Variants in SFMBT2 observed in about 807,000 individuals in gnomAD.
SFMBT2 encodes scm-like with four MBT domains protein 2.
A neutral mutation model predicts 110.1 loss-of-function variants in SFMBT2; 38 were observed. That is an observed-to-expected ratio of 0.35 (90% CI 0.27 to 0.45). SFMBT2 has a LOEUF of 0.45. Among genes scored for constraint, SFMBT2 ranks in the 20% least tolerant of loss-of-function variants. The pLI is 1.00. For missense variants in SFMBT2, 1,011 were observed against 1,094.9 expected (o/e 0.92, Z 1.08); for synonymous variants, 425 against 425.4 (o/e 1.00, Z 0.01).
intron 7 of SFMBT2, among the ~76,000 whole-genome samples, chr10:7,265,259 T>C (rs977642228): frequency 6.7e-6 from 1 of 149,320 alleles, no homozygotes; most frequent in African/African-American, 2.5e-5. Flanking sequence ...TGGAGTGCAG[T>C]GGCACAATCT....
chr10:7,197,751 G>T, intron 14 of SFMBT2, 64 bp from the exon 15 acceptor site: 2 of 1,566,916 alleles, frequency 1.3e-6, no homozygotes, highest in Non-Finnish European at 1.7e-6. Context: ...GGGACCCCTA[G>T]ACCCTTGCTT....
At chr10:7,334,849 C>T (rs1393524104) in intron 4 of SFMBT2, among the ~76,000 whole-genome samples, 2 of 152,128 alleles carry the variant, frequency 1.3e-5, no homozygotes, top group Non-Finnish European at 2.9e-5. Flanking sequence ...CAGAGACAAG[C>T]GTGAAGTTCC....
intron 3 of SFMBT2, 97 bp downstream of exon 3, chr10:7,370,184 C>T: frequency 9.0e-7 from 1 of 1,108,872 alleles, no homozygotes; most frequent in Non-Finnish European, 1.4e-6. Flanking sequence ...TCCCTCTTTC[C>T]TCTGCCCTTC....
At chr10:7,192,831 A>G (rs555781283) in intron 15 of SFMBT2, among the ~76,000 whole-genome samples, 6 of 152,222 alleles carry the variant, frequency 3.9e-5, no homozygotes, top group Admixed American at 3.9e-4. Flanking sequence ...TCCGGGGCAC[A>G]CCGCATTCTG....
chr10:7,305,675 C>G (rs1464765069), intron 4 of SFMBT2, among the ~76,000 whole-genome samples: 1 of 152,210 alleles, frequency 6.6e-6, no homozygotes, highest in African/African-American at 2.4e-5. Flanking sequence ...GCAGCCTTAT[C>G]AATACTGCAC....
chr10:7,233,095 C>T (rs59864769), intron 9 of SFMBT2, among the ~76,000 whole-genome samples: 8 of 151,998 alleles, frequency 5.3e-5, no homozygotes, highest in South Asian at 2.1e-4. Flanking sequence ...TGGGTGGCTA[C>T]GAAAAATACA....
At chr10:7,175,570 C>A (rs1773582703) in intron 17 of SFMBT2, among the ~76,000 whole-genome samples, 1 of 152,094 alleles carries the variant, frequency 6.6e-6, no homozygotes, top group African/African-American at 2.4e-5. Context: ...AGGATGTGGC[C>A]CCCGTATCAA....
intron 12 of SFMBT2, chr10:7,203,964 G>A (rs1185774331): frequency 2.7e-5 from 5 of 186,832 alleles, no homozygotes; most frequent in Non-Finnish European, 5.0e-5. Flanking sequence ...TGATCCACCC[G>A]CCTCGGCCTC....
intron 4 of SFMBT2, among the ~76,000 whole-genome samples, chr10:7,332,315 G>A (rs368886386): frequency 1.8e-4 from 28 of 152,290 alleles, no homozygotes; most frequent in Middle Eastern, 3.4e-3. Flanking sequence ...GAGAGAAGAC[G>A]CTACGAATGT....
intron 16 of SFMBT2, among the ~76,000 whole-genome samples, chr10:7,179,959 T>G (rs1838195632): frequency 6.6e-6 from 1 of 152,142 alleles, no homozygotes; most frequent in African/African-American, 2.4e-5. Flanking sequence ...TGAACAATTC[T>G]GTTTAGAAGC....
chr10:7,312,473 A>G (rs937192262), intron 4 of SFMBT2, among the ~76,000 whole-genome samples: 1 of 152,196 alleles, frequency 6.6e-6, no homozygotes, highest in African/African-American at 2.4e-5. Context: ...GGCCAGAAGT[A>G]AAATACAGAA....
chr10:7,335,685 G>T (rs375368855), intron 4 of SFMBT2, among the ~76,000 whole-genome samples: 1 of 151,454 alleles, frequency 6.6e-6, no homozygotes, highest in East Asian at 1.9e-4. Context: ...ATCCTGCTCT[G>T]TTGTATAGGA....
At chr10:7,289,545 T>A (rs1250112948) in intron 4 of SFMBT2, among the ~76,000 whole-genome samples, 2 of 152,222 alleles carry the variant, frequency 1.3e-5, no homozygotes, top group Non-Finnish European at 2.9e-5. Context: ...TCAAGCAATC[T>A]TTTATGAGCC....
intron 9 of SFMBT2, among the ~76,000 whole-genome samples, chr10:7,230,846 T>C (rs2131683016): frequency 6.6e-6 from 1 of 152,150 alleles, no homozygotes; most frequent in South Asian, 2.1e-4. Flanking sequence ...GGCAGGAGAA[T>C]TGCTTGAACC....
chr10:7,385,399 G>C (rs962654290), intron 1 of SFMBT2, among the ~76,000 whole-genome samples: 2 of 152,132 alleles, frequency 1.3e-5, no homozygotes, highest in African/African-American at 4.8e-5. Context: ...TCCCTCCAGT[G>C]ATCACTCAGG....
intron 15 of SFMBT2, among the ~76,000 whole-genome samples, chr10:7,193,561 C>G (rs1256125968): frequency 6.6e-6 from 1 of 151,918 alleles, no homozygotes; most frequent in East Asian, 2.0e-4. Context: ...CTTGGCTGGT[C>G]TGCTCTCACC....
intron 4 of SFMBT2, among the ~76,000 whole-genome samples, chr10:7,350,297 C>CA (rs2132009263): frequency 6.6e-6 from 1 of 152,170 alleles, no homozygotes; most frequent in African/African-American, 2.4e-5. Context: ...CTGGGGCATG[C>CA]AACCTGAATT....
chr10:7,377,384 T>C (rs1221660972), intron 2 of SFMBT2, among the ~76,000 whole-genome samples: 1 of 152,192 alleles, frequency 6.6e-6, no homozygotes, highest in Non-Finnish European at 1.5e-5. Flanking sequence ...AGACAATTTT[T>C]CCACAGATAC....
chr10:7,163,657 T>C lies in SFMBT2; in HGVS notation c.*113A>G, dbSNP rs1837611801. 4.3e-6 allele frequency: 4 copies of C among 929,664 alleles called. No individual in the cohort carries two copies. The Admixed American group carries it at 1.0e-4, about 24-fold the overall frequency. 57.6% of individuals were successfully genotyped at this position (929,664 alleles called of 1,614,324 possible). On this transcript the variant is annotated 3_prime_UTR_variant, in exon 21 of 21. Coordinates refer to ENST00000397167, the MANE Select transcript of SFMBT2 (RefSeq NM_001387889.1). This position sits in a 1 kb window ranked among gnomAD's most constrained non-coding sequence, Gnocchi z 4.8. ...AGATCCTGGGCTTCTGGTTTTCTGG[T>C]GATACTTAGTGGCTGTACCATTTAA...
Sources: allele counts gnomAD v4.1 joint callset (sites outside exome capture counted in the v4.1 genomes callset), GRCh38; gene constraint gnomAD v4.1.1; non-coding constraint Gnocchi (gnomAD v3.1); transcripts MANE v1.5; gene names NCBI Gene and HGNC (gene_info 2026-07-23, HGNC 2026-07-21).